FDFT1: variants seen among roughly 807,000 people sequenced by gnomAD.
FDFT1 encodes the protein farnesyl-diphosphate farnesyltransferase 1.
Under a neutral mutation model 46.8 loss-of-function variants are expected in FDFT1, and 68 were observed. The ratio of observed to expected loss-of-function variants is 1.45; its 90% confidence interval spans 1.19 to 1.78. The LOEUF is 1.78. Among genes scored for constraint, FDFT1 ranks in the 40% most tolerant of loss-of-function variants. FDFT1 has a pLI of 0.00. For missense variants in FDFT1, 928 were observed against 524.4 expected (o/e 1.77, Z -7.52); for synonymous variants, 351 against 185.1 (o/e 1.90, Z -7.28).
chr8:11,808,791 C>A lies in FDFT1; in HGVS notation c.100-3C>A, dbSNP rs1479315681. 6.2e-7 allele frequency: 1 copy of A among 1,613,216 alleles called. No individual in the cohort carries two copies. Among genetic ancestry groups the A allele is most frequent in the African/African-American group, 1.3e-5 (1 of 75,046 alleles). ...CACCGCCGTGTGTGTTGTCTGCCCG[C>A]AGGACTCGCTCAGCAGCAGCCTGAA... On this transcript the variant is annotated splice_polypyrimidine_tract_variant and splice_region_variant and intron_variant, in intron 1 of 7. Coordinates refer to ENST00000220584, the MANE Select transcript of FDFT1 (RefSeq NM_004462.5).
chr8:11,802,138 G>C (rs375243406), upstream of FDFT1: 9 of 453,916 alleles, frequency 2.0e-5, no homozygotes, highest in East Asian at 5.6e-4. Flanking sequence ...GAAGCTCCAG[G>C]AGTGTGTGGG....
At chr8:11,830,473 G>A in intron 6 of FDFT1, 53 bp downstream of exon 6, 1 of 1,309,162 alleles carries the variant, frequency 7.6e-7, no homozygotes, top group Non-Finnish European at 1.1e-6. Context: ...AGTGGGGTAG[G>A]AGTAAGGGTG....
intron 4 of FDFT1, 46 bp from the exon 5 acceptor site, chr8:11,825,978 A>C (rs201531615): frequency 1.4e-6 from 2 of 1,385,168 alleles, no homozygotes; most frequent in Non-Finnish European, 2.0e-6. Flanking sequence ...TGTCCATTTC[A>C]GTAAAAATTC....
At chr8:11,799,008 G>A (rs565501561), upstream of FDFT1, among the ~76,000 whole-genome samples, 5 of 152,294 alleles carry the variant, frequency 3.3e-5, no homozygotes, top group South Asian at 4.1e-4. Context: ...TTGGCTAAAC[G>A]TACATATTTA....
rs995991429 is a variant in FDFT1 at position 11,802,770 on chromosome 8, C to T, written c.-63C>T. On this transcript the variant is annotated 5_prime_UTR_variant, in exon 1 of 8. Transcript: ENST00000220584. Reference sequence around the variant, plus strand: ...CACCTACTCCACAGGTCCAGCCGGCCGGTGAGCGCCTGGGGACCGCAGAGG... The same window carrying T: ...CACCTACTCCACAGGTCCAGCCGGCTGGTGAGCGCCTGGGGACCGCAGAGG... The T allele has an allele frequency of 1.5e-5, 20 of 1,334,716 alleles. No homozygotes were observed. The highest frequency in any genetic ancestry group is 1.5e-4 in the South Asian group (12 of 80,876). 82.7% of individuals were successfully genotyped at this position (1,334,716 alleles called of 1,614,324 possible).
chr8:11,808,861 C>G lies in FDFT1; in HGVS notation c.167C>G (p.Ala56Gly). The G allele has an allele frequency of 6.2e-7, 1 of 1,614,072 alleles. No homozygotes were observed. Among genetic ancestry groups the G allele is most frequent in the Non-Finnish European group, 8.5e-7 (1 of 1,179,996 alleles). Residue 56 changes from alanine to glycine, a missense_variant, in exon 2 of 8, where the codon GCT becomes GGT. Physicochemically the swap from Ala to Gly is moderately conservative, Grantham distance 60. Transcript: ENST00000220584. ...YLNQTSRSFAAVIQALDGEMR... is the reference protein window; with the variant it reads ...YLNQTSRSFAGVIQALDGEMR... ...AATCAGACCAGTCGCAGTTTCGCAG[C>G]TGTTATCCAGGCGCTGGATGGGGAA... is the stretch of plus-strand genomic sequence containing the variant.
chr8:11,801,380 C>G (rs1019224907), upstream of FDFT1, among the ~76,000 whole-genome samples: 1 of 152,170 alleles, frequency 6.6e-6, no homozygotes, highest in Admixed American at 6.5e-5. Flanking sequence ...AGTGCAATAG[C>G]GCGATCTCAG....
intron 4 of FDFT1, among the ~76,000 whole-genome samples, chr8:11,824,706 T>G (rs769863424): frequency 6.6e-6 from 1 of 152,318 alleles, no homozygotes; most frequent in Middle Eastern, 3.4e-3. Flanking sequence ...ATACAATGTT[T>G]GTGAGGATTG....
upstream of FDFT1, among the ~76,000 whole-genome samples, chr8:11,801,039 G>T (rs1806065863): frequency 6.6e-6 from 1 of 152,136 alleles, no homozygotes; most frequent in African/African-American, 2.4e-5. Flanking sequence ...ACTGGGATTA[G>T]CAGTGGTGGA....
chr8:11,824,145 G>C (rs1470233841), intron 4 of FDFT1, among the ~76,000 whole-genome samples: 1 of 152,174 alleles, frequency 6.6e-6, no homozygotes, highest in Non-Finnish European at 1.5e-5. Context: ...TTACAGGCGT[G>C]AACTTCGGTC....
intron 3 of FDFT1, among the ~76,000 whole-genome samples, chr8:11,811,883 G>A (rs1481399368): frequency 2.0e-5 from 3 of 152,228 alleles, no homozygotes; most frequent in Admixed American, 6.5e-5. Context: ...CTGTGATTCA[G>A]TTTGAGATGG....
At chr8:11,812,916 A>G (rs905915791) in intron 3 of FDFT1, among the ~76,000 whole-genome samples, 10 of 152,350 alleles carry the variant, frequency 6.6e-5, no homozygotes, top group African/African-American at 2.2e-4. Context: ...TGGCCACAGG[A>G]TACATTCTGA....
chr8:11,830,686 C>G (rs1810652309), intron 6 of FDFT1, among the ~76,000 whole-genome samples: 6 of 152,142 alleles, frequency 3.9e-5, no homozygotes, highest in Admixed American at 3.9e-4. Flanking sequence ...AGGTTCTTTT[C>G]CTCACAGTTA....
rs1191735386 is a variant in FDFT1 at position 11,830,304 on chromosome 8, G to T, written c.763G>T (p.Ala255Ser). ...TGCTAAGCCGGAGAATATTGACTTG[G>T]CCGTGCAGTGCCTGAATGAACTTAT... is the stretch of plus-strand genomic sequence containing the variant. ...DFAKPENIDLAVQCLNELITN... is the reference protein window; with the variant it reads ...DFAKPENIDLSVQCLNELITN... The change falls in exon 6 of 8, where the codon GCC (alanine) becomes TCC (serine). Residue 255 changes from alanine to serine, a missense_variant. Physicochemically the swap from Ala to Ser is moderately conservative, Grantham distance 99 (BLOSUM62 1). Coordinates refer to ENST00000220584, the MANE Select transcript of FDFT1 (RefSeq NM_004462.5). 1 of 1,613,844 alleles carries T rather than the reference G, an allele frequency of 6.2e-7. No homozygotes were observed. The highest frequency in any genetic ancestry group is 8.5e-7 in the Non-Finnish European group (1 of 1,179,784).
chr8:11,815,414 T>C (rs899977766), intron 3 of FDFT1, among the ~76,000 whole-genome samples: 7 of 152,356 alleles, frequency 4.6e-5, no homozygotes, highest in Admixed American at 3.3e-4. Context: ...CAAATGGTAT[T>C]TCTAGTTCTA....
intron 4 of FDFT1, among the ~76,000 whole-genome samples, chr8:11,822,812 T>C (rs981747290): frequency 2.0e-5 from 3 of 152,192 alleles, no homozygotes; most frequent in Non-Finnish European, 4.4e-5. Context: ...CAAGACACCA[T>C]CTGAAAGAAA....
At chr8:11,821,218 A>G (rs898662788) in intron 3 of FDFT1, among the ~76,000 whole-genome samples, 4 of 152,352 alleles carry the variant, frequency 2.6e-5, no homozygotes, top group Non-Finnish European at 5.9e-5. Context: ...GTGTAGTGAG[A>G]CTTTGAATCT....
chr8:11,816,257 T>G (rs1030605466), intron 3 of FDFT1, among the ~76,000 whole-genome samples: 1 of 152,220 alleles, frequency 6.6e-6, no homozygotes, highest in African/African-American at 2.4e-5. Flanking sequence ...ACCATGCTGT[T>G]TTGGTTACTG....
Position 11,809,713 on chromosome 8 carries a change from C to G in FDFT1, c.244C>G (p.Leu82Val), listed in dbSNP as rs561714716. ...FYLVLRALDT[L>V]EDDMTISVEK... Reference sequence around the variant, plus strand: ...TCTGGTTCTCCGAGCTCTGGACACACTGGAAGATGACATGACCATCAGTGT... The same window carrying G: ...TCTGGTTCTCCGAGCTCTGGACACAGTGGAAGATGACATGACCATCAGTGT... Residue 82 changes from leucine (L) to valine (V), a missense_variant, in exon 3 of 8, where the codon CTG becomes GTG. Coordinates refer to ENST00000220584, the MANE Select transcript of FDFT1 (RefSeq NM_004462.5). The G allele has an allele frequency of 1.7e-5, 27 of 1,614,130 alleles. No homozygotes were observed. The highest frequency in any genetic ancestry group is 1.6e-4 in the Middle Eastern group (1 of 6,062).
Sources: allele counts gnomAD v4.1 joint callset (sites outside exome capture counted in the v4.1 genomes callset), GRCh38; gene constraint gnomAD v4.1.1; transcripts MANE v1.5; gene names NCBI Gene and HGNC (gene_info 2026-07-23, HGNC 2026-07-21).